The following OPCML variants were observed in gnomAD, a reference collection of about 807,000 sequenced individuals.
OPCML encodes opioid binding protein/cell adhesion molecule like.
In OPCML, 13 loss-of-function variants were observed where a neutral mutation model predicts 37.8. That is an observed-to-expected ratio of 0.34 (90% CI 0.22 to 0.55). OPCML has a LOEUF of 0.55. Ranked by LOEUF, OPCML falls within the 20% of genes least tolerant of loss-of-function variation. The pLI, the probability that OPCML is intolerant of heterozygous loss-of-function variation, is 0.91. For missense variants in OPCML, 341 were observed against 435.6 expected, an observed-to-expected ratio of 0.78 and a Z score of 1.93; for synonymous variants, 176 against 168.8, an observed-to-expected ratio of 1.04 and a Z score of -0.33.
chr11:133,229,560 T>C (rs1376760885), intron 1 of OPCML, among the ~76,000 whole-genome samples: 3 of 152,068 alleles, frequency 2.0e-5, no homozygotes, highest in Non-Finnish European at 4.4e-5. Flanking sequence ...CATCCCACCA[T>C]GCATTTTCCC....
intron 1 of OPCML, among the ~76,000 whole-genome samples, chr11:133,453,639 C>T (rs111991184): frequency 5.3e-4 from 80 of 152,150 alleles, no homozygotes; most frequent in African/African-American, 1.9e-3. Context: ...GTGCTCAGTG[C>T]ACCAGTTTCC....
Position 133,009,057 on chromosome 11 carries a change from G to T in OPCML, c.62-66047C>A, listed in dbSNP as rs1159343183. Reference sequence around the variant, plus strand: ...TTACTTAAACATATTTACTCTTCCAGATTACTTAAGTCTACATGTATGGGC... The same window carrying T: ...TTACTTAAACATATTTACTCTTCCATATTACTTAAGTCTACATGTATGGGC... On this transcript the variant is annotated intron_variant, in intron 1 of 7. Coordinates refer to ENST00000524381, the MANE Select transcript of OPCML (RefSeq NM_001012393.5). 5 of 985,346 alleles carry T rather than the reference G, an allele frequency of 5.1e-6. No homozygotes were observed. The South Asian group carries it at 2.3e-4, about 46-fold the overall frequency. The allele number at this position is 985,346 out of a possible 1,614,324, so 61.0% of individuals were successfully genotyped here. A position where few individuals can be genotyped will look rare whatever the true frequency, so the allele number is the denominator to read the frequency against.
At chr11:133,060,082 C>G (rs913324257) in intron 1 of OPCML, among the ~76,000 whole-genome samples, 1 of 152,190 alleles carries the variant, frequency 6.6e-6, no homozygotes, top group Non-Finnish European at 1.5e-5. Context: ...GTTCCTTTCT[C>G]TGGATCTCAT....
chr11:133,427,479 A>T (rs1946026885), intron 1 of OPCML, among the ~76,000 whole-genome samples: 2 of 152,262 alleles, frequency 1.3e-5, no homozygotes, highest in South Asian at 4.1e-4. Context: ...ATAGTAGTAA[A>T]CAAATCTTAA....
chr11:132,634,513 A>G (rs1254382070), intron 3 of OPCML, among the ~76,000 whole-genome samples: 1 of 152,222 alleles, frequency 6.6e-6, no homozygotes, highest in Non-Finnish European at 1.5e-5. Context: ...CCCATGCCTC[A>G]GTAGTTACAT....
intron 1 of OPCML, among the ~76,000 whole-genome samples, chr11:133,507,508 A>T (rs1012808480): frequency 3.5e-4 from 54 of 152,296 alleles, no homozygotes; most frequent in Admixed American, 1.2e-3. Flanking sequence ...AGTTGAGGGG[A>T]GCTGATTCCT....
intron 2 of OPCML, among the ~76,000 whole-genome samples, chr11:132,931,265 T>C (rs1945190426): frequency 6.6e-6 from 1 of 152,096 alleles, no homozygotes; most frequent in South Asian, 2.1e-4. Flanking sequence ...GGTGCCTTCT[T>C]AGATCTGATA....
chr11:132,427,707 A>G (rs897741948), intron 7 of OPCML, among the ~76,000 whole-genome samples: 1 of 152,236 alleles, frequency 6.6e-6, no homozygotes, highest in Non-Finnish European at 1.5e-5. Flanking sequence ...GTCTTTGTTG[A>G]ACCATAAGCT....
At position 133,186,942 on chromosome 11, in the gene OPCML, G is replaced by A. The variant is rs140409177; in HGVS notation, c.62-243932C>T. Among the ~76,000 whole-genome samples, 46 of 152,230 alleles carry A rather than the reference G, an allele frequency of 3.0e-4. No individual in the cohort carries two copies. In the East Asian group the frequency reaches 7.0e-3, roughly 23 times the overall value. ...GCCTGGAACAGGGTGAGTCTGGTTG[G>A]CGTAGGAGGGAGGTCAAAGAGGCAT... On this transcript the variant is annotated intron_variant, in intron 1 of 7. Transcript: ENST00000524381.
intron 1 of OPCML, among the ~76,000 whole-genome samples, chr11:133,255,366 T>G (rs1941278298): frequency 6.6e-6 from 1 of 152,160 alleles, no homozygotes; most frequent in Admixed American, 6.5e-5. Context: ...AGGAAGACAC[T>G]TCCAGTCGAG....
chr11:133,222,557 G>A (rs1939882347), intron 1 of OPCML, among the ~76,000 whole-genome samples: 1 of 152,172 alleles, frequency 6.6e-6, no homozygotes, highest in South Asian at 2.1e-4. Context: ...ACAGTCATCA[G>A]GCTGTGTTTG....
At chr11:132,574,245 T>C (rs532945308) in intron 3 of OPCML, among the ~76,000 whole-genome samples, 1 of 54,366 alleles carries the variant, frequency 1.8e-5, no homozygotes, top group Admixed American at 1.5e-4. Context: ...AATCTTTGTG[T>C]TTTTTTTTTT....
At chr11:132,623,593 G>C (rs950399232) in intron 3 of OPCML, among the ~76,000 whole-genome samples, 3 of 152,042 alleles carry the variant, frequency 2.0e-5, no homozygotes, top group Admixed American at 2.0e-4. Context: ...TATATACACT[G>C]TTTTAACGAG....
chr11:133,203,087 CAG>C lies in OPCML; in HGVS notation c.62-260079_62-260078del, dbSNP rs747231155. 3.3e-5 allele frequency among the ~76,000 whole-genome samples: 5 copies of C among 152,256 alleles called. No individual in the cohort carries two copies. The South Asian group carries it at 6.2e-4, about 19-fold the overall frequency. ...TCACACAAACACAGAGACTGAGGTT[CAG>C]AGAGATGATAAGTAACTTGCCCGAG... On this transcript the variant is annotated intron_variant, in intron 1 of 7. Transcript: ENST00000524381.
chr11:133,479,620 T>C (rs1947330634), intron 1 of OPCML, among the ~76,000 whole-genome samples: 1 of 152,174 alleles, frequency 6.6e-6, no homozygotes, highest in African/African-American at 2.4e-5. Context: ...AATCCTACAG[T>C]GACTCAGGTC....
At chr11:132,801,471 C>T (rs1175472260) in intron 2 of OPCML, among the ~76,000 whole-genome samples, 1 of 152,138 alleles carries the variant, frequency 6.6e-6, no homozygotes, top group Non-Finnish European at 1.5e-5. Context: ...CTCTCAACAT[C>T]TCACTACACA....
chr11:133,063,365 G>T (rs1193990112), intron 1 of OPCML, among the ~76,000 whole-genome samples: 2 of 152,160 alleles, frequency 1.3e-5, no homozygotes, highest in Admixed American at 1.3e-4. Flanking sequence ...CAGAAAGGAG[G>T]AAAGCCACGT....
At chr11:132,437,132 C>T in intron 5 of OPCML, 90 bp downstream of exon 5, 2 of 1,539,098 alleles carry the variant, frequency 1.3e-6, no homozygotes, top group Non-Finnish European at 1.8e-6. Flanking sequence ...AACCTGGGTC[C>T]TTTGGAAAAT....
intron 1 of OPCML, among the ~76,000 whole-genome samples, chr11:133,516,753 G>A (rs917733701): frequency 2.0e-5 from 3 of 152,284 alleles, no homozygotes; most frequent in South Asian, 4.1e-4. Flanking sequence ...TACGAGCCAC[G>A]GGGATGGATG....
Sources: allele counts gnomAD v4.1 joint callset (sites outside exome capture counted in the v4.1 genomes callset), GRCh38; gene constraint gnomAD v4.1.1; transcripts MANE v1.5; gene names NCBI Gene and HGNC (gene_info 2026-07-23, HGNC 2026-07-21).